Variants in ENTREP1 observed in about 807,000 individuals in gnomAD.
ENTREP1 encodes the protein Friedreich ataxia region gene X123.
the ENTREP1 span, among the ~76,000 whole-genome samples, chr9:69,364,011 C>A: frequency 1.3e-5 from 2 of 152,156 alleles, no homozygotes; most frequent in Admixed American, 1.3e-4. Context: ...ATTTGAATGT[C>A]CCTTCCAGCT....
the ENTREP1 span, among the ~76,000 whole-genome samples, chr9:69,340,388 A>G: frequency 6.6e-6 from 1 of 152,236 alleles, no homozygotes; most frequent in Non-Finnish European, 1.5e-5. Flanking sequence ...TACTGGTTTG[A>G]ACAAAAAAGG....
the ENTREP1 span, among the ~76,000 whole-genome samples, chr9:69,343,397 T>A: frequency 2.6e-5 from 4 of 152,208 alleles, no homozygotes; most frequent in Admixed American, 2.6e-4. Context: ...TCAGAAGGGA[T>A]GAGCCAAGGA....
the ENTREP1 span, chr9:69,325,583 C>T: frequency 3.8e-5 from 47 of 1,225,192 alleles, no homozygotes; most frequent in Non-Finnish European, 4.5e-5. Context: ...CTCCGCGCTG[C>T]TGCCCGCCCG....
the ENTREP1 span, among the ~76,000 whole-genome samples, chr9:69,351,167 T>A: frequency 6.6e-6 from 1 of 152,190 alleles, no homozygotes; most frequent in Non-Finnish European, 1.5e-5. Flanking sequence ...CAACTTAAAC[T>A]CTGTTCCTAC....
the ENTREP1 span, among the ~76,000 whole-genome samples, chr9:69,379,197 A>C: frequency 6.6e-6 from 1 of 152,166 alleles, no homozygotes; most frequent in Non-Finnish European, 1.5e-5. Flanking sequence ...AGGTTTTTAG[A>C]GAAGTATTTT....
the ENTREP1 span, among the ~76,000 whole-genome samples, chr9:69,340,723 ATGTGTG>A: frequency 1.9e-5 from 1 of 51,298 alleles, no homozygotes; most frequent in Non-Finnish European, 3.7e-5. Flanking sequence ...GTGTGCATGC[ATGTGTG>A]TGTGTATGTG....
At chr9:69,325,510 G>C in the ENTREP1 span, 2 of 976,732 alleles carry the variant, frequency 2.0e-6, no homozygotes, top group African/African-American at 3.5e-5. Flanking sequence ...CCGGGGTGCT[G>C]GCCGCGCCGC....
the ENTREP1 span, among the ~76,000 whole-genome samples, chr9:69,331,587 GC>G: frequency 6.6e-6 from 1 of 152,150 alleles, no homozygotes; most frequent in African/African-American, 2.4e-5. Context: ...TTCATTCAGG[GC>G]AAGTTTCATC....
the ENTREP1 span, among the ~76,000 whole-genome samples, chr9:69,373,114 T>G: frequency 6.6e-6 from 1 of 152,168 alleles, no homozygotes; most frequent in Non-Finnish European, 1.5e-5. Context: ...AACACTGTGA[T>G]TATTTCTGAT....
chr9:69,378,491 G>A, the ENTREP1 span, among the ~76,000 whole-genome samples: 8 of 151,970 alleles, frequency 5.3e-5, no homozygotes, highest in African/African-American at 1.7e-4. Flanking sequence ...ATTTAGGCGC[G>A]GCGTGGTGGC....
the ENTREP1 span, among the ~76,000 whole-genome samples, chr9:69,343,046 G>A: frequency 1.3e-5 from 2 of 152,154 alleles, no homozygotes; most frequent in African/African-American, 4.8e-5. Flanking sequence ...TTAATTAGTG[G>A]GTTTAGTTTG....
chr9:69,348,961 A>T, the ENTREP1 span, among the ~76,000 whole-genome samples: 1 of 152,014 alleles, frequency 6.6e-6, no homozygotes, highest in East Asian at 1.9e-4. Context: ...AGGCGGGTGG[A>T]TCACCTGAGG....
chr9:69,330,808 GCTT>G, the ENTREP1 span, among the ~76,000 whole-genome samples: 332 of 152,214 alleles, frequency 2.2e-3, 4 homozygotes, highest in African/African-American at 6.6e-3. Context: ...TGGGTGGGAT[GCTT>G]CTTCTTCTTC....
chr9:69,382,615 T>C, the ENTREP1 span: 2 of 152,256 alleles, frequency 1.3e-5, no homozygotes, highest in South Asian at 2.1e-4. Flanking sequence ...AGTCTCATTC[T>C]TCTCAGTCCC....
At chr9:69,361,279 C>T in the ENTREP1 span, among the ~76,000 whole-genome samples, 7 of 152,184 alleles carry the variant, frequency 4.6e-5, no homozygotes, top group African/African-American at 1.4e-4. Flanking sequence ...TGCCTCTTCT[C>T]AGTTGATTCC....
At chr9:69,326,264 G>A in the ENTREP1 span, among the ~76,000 whole-genome samples, 3 of 152,100 alleles carry the variant, frequency 2.0e-5, 1 homozygote, top group South Asian at 4.1e-4. Flanking sequence ...ACCCCCAGAC[G>A]AGTTCAGGAG....
chr9:69,390,576 C>T, the ENTREP1 span, among the ~76,000 whole-genome samples: 1 of 152,080 alleles, frequency 6.6e-6, no homozygotes, highest in African/African-American at 2.4e-5. Context: ...ATAAATTGGC[C>T]TAATTTTTAT....
At chr9:69,366,384 GGTT>G in the ENTREP1 span, among the ~76,000 whole-genome samples, 1 of 122,992 alleles carries the variant, frequency 8.1e-6, no homozygotes. Flanking sequence ...TTCCAACTGG[GGTT>G]TTTTTTTTTT....
At chr9:69,385,790 A>G in the ENTREP1 span, 3 of 1,357,396 alleles carry the variant, frequency 2.2e-6, no homozygotes, top group South Asian at 1.7e-5. Flanking sequence ...TTTTTTTTAA[A>G]TCAGATGGGG....
Sources: gnomAD v4.1 joint callset for allele counts (sites outside exome capture counted in the v4.1 genomes callset) on GRCh38, gnomAD v4.1.1 for gene constraint, MANE v1.5 for transcripts, NCBI Gene and HGNC (gene_info 2026-07-23, HGNC 2026-07-21) for gene names.